LRRC71: variants seen among roughly 807,000 people sequenced by gnomAD.
LRRC71 encodes the protein leucine rich repeat containing 71, also known as leucine-rich repeat-containing protein 71.
Under a neutral mutation model 66.6 loss-of-function variants are expected in LRRC71, and 54 were observed. The observed-to-expected ratio is 0.81, with a 90% CI of 0.65 to 1.02. The LOEUF (loss-of-function observed/expected upper bound fraction) is 1.02, where lower values mean the gene tolerates loss of function less well. Ranked by LOEUF, LRRC71 falls within the 50% of genes least tolerant of loss-of-function variation. LRRC71 has a pLI of 0.00. For missense variants in LRRC71, 724 were observed against 718.0 expected (o/e 1.01, Z -0.10); for synonymous variants, 323 against 303.9 (o/e 1.06, Z -0.65).
At chr1:156,939,988 G>A in the LRRC71 span, 1 of 1,565,540 alleles carries the variant, frequency 6.4e-7, no homozygotes, top group Non-Finnish European at 8.6e-7. Context: ...CTGCCCCACT[G>A]ACCCCAAGGT....
At chr1:156,928,563 CTTTTTTTTTT>C (rs58180096) in intron 9 of LRRC71, among the ~76,000 whole-genome samples, 2 of 80,244 alleles carry the variant, frequency 2.5e-5, no homozygotes, top group East Asian at 4.2e-4. Flanking sequence ...CTTCTTCTTA[CTTTTTTTTTT>C]TTTTTTTTTT....
the LRRC71 span, chr1:156,938,339 G>T: frequency 1.5e-6 from 2 of 1,367,794 alleles, no homozygotes; most frequent in Non-Finnish European, 2.0e-6. Context: ...TGTGACCATG[G>T]GCAGGGGTCC....
At chr1:156,937,369 C>A (rs1232939425), downstream of LRRC71, 4 of 1,610,536 alleles carry the variant, frequency 2.5e-6, no homozygotes, top group East Asian at 4.5e-5. Context: ...TGCCTCCCTG[C>A]AGCTGAGGCT....
chr1:156,938,467 G>A, the LRRC71 span: 2 of 1,613,706 alleles, frequency 1.2e-6, no homozygotes, highest in African/African-American at 2.7e-5. Flanking sequence ...GCTCTGACTG[G>A]CCACTCTCTG....
the LRRC71 span, among the ~76,000 whole-genome samples, chr1:156,941,004 C>T: frequency 9.7e-3 from 1,477 of 152,278 alleles, 27 homozygotes; most frequent in African/African-American, 0.032. Flanking sequence ...TCCCCAGCCC[C>T]GCCATGTTTT....
downstream of LRRC71, chr1:156,936,268 G>C (rs761724864): frequency 4.0e-6 from 3 of 745,280 alleles, no homozygotes; most frequent in Non-Finnish European, 7.6e-6. Flanking sequence ...GTAGGTATGT[G>C]CCTTGTCTTC....
intron 1 of LRRC71, among the ~76,000 whole-genome samples, chr1:156,921,881 G>A (rs1471448910): frequency 6.6e-6 from 1 of 152,068 alleles, no homozygotes; most frequent in Non-Finnish European, 1.5e-5. Context: ...AGAATGGTGA[G>A]GCTTGGTTGA....
At chr1:156,934,576 T>G (rs1390736207), downstream of LRRC71, among the ~76,000 whole-genome samples, 1 of 152,118 alleles carries the variant, frequency 6.6e-6, no homozygotes, top group Non-Finnish European at 1.5e-5. Flanking sequence ...TGTGTATATA[T>G]ATGTATCTAT....
At chr1:156,921,691 T>C in intron 1 of LRRC71, 1 of 966,662 alleles carries the variant, frequency 1.0e-6, no homozygotes, top group Non-Finnish European at 1.2e-6. Context: ...CCCCTACAGG[T>C]ACGAAGCCAG....
At chr1:156,930,485 T>C in intron 11 of LRRC71, 44 bp from the exon 12 acceptor site, 1 of 1,506,190 alleles carries the variant, frequency 6.6e-7, no homozygotes, top group Non-Finnish European at 9.0e-7. Context: ...CTGGGTGGTA[T>C]CAGAAGTGTG....
At chr1:156,922,372 A>G (rs1025902799) in intron 1 of LRRC71, among the ~76,000 whole-genome samples, 1 of 152,150 alleles carries the variant, frequency 6.6e-6, no homozygotes, top group Non-Finnish European at 1.5e-5. Context: ...TGGATAGGAC[A>G]ACATGGAGGT....
At chr1:156,937,198 T>C (rs1333972578), downstream of LRRC71, 2 of 1,610,622 alleles carry the variant, frequency 1.2e-6, no homozygotes, top group African/African-American at 2.7e-5. Context: ...GGGAATGGTT[T>C]TGGGGTGATG....
At position 156,927,813 on chromosome 1, in the gene LRRC71, T is replaced by G; in HGVS notation, c.903T>G (p.Ala301=). ...AGGACAAGGGCGCCCTGAAGCTGGC[T>G]GAGGTGGGTGTGCCGATCAGGTGGG... ...RIQDKGALKL[A]EVLRAFELTH... The change falls in exon 8 of 15, where the codon GCT becomes GCG. Residue 301 remains alanine, a synonymous_variant. Coordinates refer to ENST00000337428, the MANE Select transcript of LRRC71 (RefSeq NM_144702.3). The G allele has an allele frequency of 6.2e-7, 1 of 1,613,488 alleles. No homozygotes were observed.
chr1:156,939,448 G>A, the LRRC71 span: 1 of 1,544,520 alleles, frequency 6.5e-7, no homozygotes, highest in Non-Finnish European at 8.8e-7. Context: ...TGCTCACACG[G>A]TACCCAGGGG....
chr1:156,935,792 A>G (rs3819973), downstream of LRRC71: 137,372 of 579,330 alleles, frequency 0.24, 19,538 homozygotes, highest in African/African-American at 0.51. Flanking sequence ...GGGTTGGGCT[A>G]AGGGAGGGAA....
At chr1:156,933,566 T>G (rs1370496909), downstream of LRRC71, among the ~76,000 whole-genome samples, 2 of 152,206 alleles carry the variant, frequency 1.3e-5, no homozygotes, top group African/African-American at 2.4e-5. Flanking sequence ...GAGAGGGTGC[T>G]AAACGCTCAA....
chr1:156,937,595 C>T (rs1302404486), downstream of LRRC71: 34 of 1,299,728 alleles, frequency 2.6e-5, no homozygotes, highest in Non-Finnish European at 3.6e-5. Context: ...ACAGAGCAGG[C>T]CAGGCAGTCC....
At chr1:156,931,109 T>TGGATCTTCTCTGCCCCC (rs1161698074) in intron 12 of LRRC71, among the ~76,000 whole-genome samples, 1 of 152,230 alleles carries the variant, frequency 6.6e-6, no homozygotes, top group African/African-American at 2.4e-5. Flanking sequence ...CTTTTGCCCC[T>TGGATCTTCTCTGCCCCC]GGATCTTCTC....
At chr1:156,933,147 CT>C, downstream of LRRC71, 1 of 571,906 alleles carries the variant, frequency 1.7e-6, no homozygotes, top group South Asian at 2.3e-5. Flanking sequence ...GATTTTGCGT[CT>C]GTCCATGTTA....
Sources: gnomAD v4.1 joint callset for allele counts (sites outside exome capture counted in the v4.1 genomes callset) on GRCh38, gnomAD v4.1.1 for gene constraint, MANE v1.5 for transcripts, NCBI Gene and HGNC (gene_info 2026-07-23, HGNC 2026-07-21) for gene names.